The following SAMMSON variants were observed in gnomAD, a reference collection of about 807,000 sequenced individuals.
SAMMSON encodes the protein long intergenic non-protein coding RNA 1212.
chr3:70,297,711 A>T (rs1702303397), intron 7 of SAMMSON, among the ~76,000 whole-genome samples: 2 of 151,852 alleles, frequency 1.3e-5, no homozygotes, highest in Non-Finnish European at 1.5e-5. Context: ...GTTTATTATT[A>T]TTTTTTTCCT....
At chr3:70,275,369 G>T (rs1702013858) in intron 6 of SAMMSON, among the ~76,000 whole-genome samples, 1 of 152,122 alleles carries the variant, frequency 6.6e-6, no homozygotes, top group African/African-American at 2.4e-5. Flanking sequence ...AAAAAAATTA[G>T]TTGGGTGTGG....
intron 4 of SAMMSON, among the ~76,000 whole-genome samples, chr3:70,100,574 A>G (rs753558962): frequency 2.0e-5 from 3 of 151,804 alleles, no homozygotes; most frequent in Non-Finnish European, 2.9e-5. Context: ...AAAAAAACTC[A>G]TAGAAATTTT....
chr3:70,045,510 A>AT, intron 3 of SAMMSON, among the ~76,000 whole-genome samples: 1 of 150,882 alleles, frequency 6.6e-6, no homozygotes. Flanking sequence ...CCATTAATAT[A>AT]TTTTTTTTTC....
At chr3:70,152,556 G>A (rs550543602) in intron 4 of SAMMSON, among the ~76,000 whole-genome samples, 2 of 152,042 alleles carry the variant, frequency 1.3e-5, no homozygotes, top group African/African-American at 4.8e-5. Flanking sequence ...CAGACCCCAA[G>A]GTGCTTTATT....
chr3:70,370,546 C>A (rs1315832648), intron 9 of SAMMSON, among the ~76,000 whole-genome samples: 2 of 151,944 alleles, frequency 1.3e-5, no homozygotes, highest in Admixed American at 1.3e-4. Context: ...ATTTGCATTT[C>A]TCTGATGATT....
chr3:70,314,180 C>A (rs574718813), intron 7 of SAMMSON, among the ~76,000 whole-genome samples: 3 of 152,136 alleles, frequency 2.0e-5, no homozygotes, highest in Admixed American at 6.6e-5. Context: ...CCTCCTCCCC[C>A]CAGTGCAACC....
intron 7 of SAMMSON, among the ~76,000 whole-genome samples, chr3:70,297,496 G>A (rs1356233709): frequency 2.0e-5 from 3 of 152,022 alleles, no homozygotes; most frequent in African/African-American, 7.2e-5. Flanking sequence ...TATAATCTCT[G>A]TAGTTTCAAT....
At chr3:70,214,137 T>C (rs1701381906) in intron 4 of SAMMSON, among the ~76,000 whole-genome samples, 1 of 152,128 alleles carries the variant, frequency 6.6e-6, no homozygotes, top group Admixed American at 6.5e-5. Flanking sequence ...TACATCCTGA[T>C]AGATTGGATA....
chr3:70,195,129 G>C (rs1011817235), intron 4 of SAMMSON, among the ~76,000 whole-genome samples: 1 of 152,192 alleles, frequency 6.6e-6, no homozygotes. Flanking sequence ...GAATAAGTCA[G>C]TTCATGGGGC....
chr3:70,427,821 T>C (rs1400419393), intron 2 of SAMMSON, among the ~76,000 whole-genome samples: 1 of 151,446 alleles, frequency 6.6e-6, no homozygotes, highest in Non-Finnish European at 1.5e-5. Context: ...AGTTGCGGAG[T>C]CTCTTGCTTT....
At chr3:70,041,231 A>G (rs1217578080) in intron 3 of SAMMSON, among the ~76,000 whole-genome samples, 1 of 152,130 alleles carries the variant, frequency 6.6e-6, no homozygotes, top group Non-Finnish European at 1.5e-5. Context: ...ATTTTGTTGT[A>G]TGCTCCTAGG....
rs1559518632 is a variant in SAMMSON at position 70,122,316 on chromosome 3, T to TCC, written n.507+50751_507+50752insCC. Among the ~76,000 whole-genome samples, 21 of 151,994 alleles carry TCC rather than the reference T, an allele frequency of 1.4e-4. No individual in the cohort carries two copies. The Middle Eastern group carries it at 0.014, about 98-fold the overall frequency. On this transcript the variant is annotated intron_variant and non_coding_transcript_variant, in intron 4 of 9. Coordinates refer to ENST00000642114, the Ensembl canonical transcript of SAMMSON. ...CAAGCAATCCTCCTACCTCAGCCTC[T>TCC]TGAGTAGCTGGGACTACAGGCGTGT...
chr3:70,244,480 C>T (rs1249316228), intron 4 of SAMMSON, among the ~76,000 whole-genome samples: 1 of 152,046 alleles, frequency 6.6e-6, no homozygotes, highest in Admixed American at 6.6e-5. Flanking sequence ...ATGATAATAT[C>T]AAGATTATTT....
rs541523354 is a variant in SAMMSON at position 70,098,757 on chromosome 3, C to G, written n.507+27192C>G. On this transcript the variant is annotated intron_variant and non_coding_transcript_variant, in intron 4 of 9. Transcript: ENST00000642114. Reference sequence around the variant, plus strand: ...AATGTATTCCTATGTCCCTATCACCCTGCTTAAGAAAAAATATTATCAGAA... The same window carrying G: ...AATGTATTCCTATGTCCCTATCACCGTGCTTAAGAAAAAATATTATCAGAA... 3.3e-4 allele frequency among the ~76,000 whole-genome samples: 51 copies of G among 152,242 alleles called. No individual in the cohort carries two copies. In the South Asian group the frequency reaches 0.01, roughly 31 times the overall value.
chr3:70,009,006 A>T (rs1238497235), intron 1 of SAMMSON: 1 of 152,112 alleles, frequency 6.6e-6, no homozygotes, highest in Non-Finnish European at 1.5e-5. Context: ...ATCATGGTGG[A>T]TAAGCTTTTT....
chr3:70,322,143 A>C lies in SAMMSON; in HGVS notation n.739+30900A>C, dbSNP rs372184541. ...AGAAATTACTTTAAAATTATTTACT[A>C]ATAAGAAAACATTGATTTATTGGAT... On this transcript the variant is annotated intron_variant and non_coding_transcript_variant, in intron 7 of 9. Transcript: ENST00000642114. 4.6e-5 allele frequency among the ~76,000 whole-genome samples: 7 copies of C among 152,264 alleles called. 1 individual carries two copies. Among genetic ancestry groups the C allele is most frequent in the African/African-American group, 1.7e-4 (7 of 41,570 alleles).
intron 4 of SAMMSON, among the ~76,000 whole-genome samples, chr3:70,233,809 G>C (rs7638933): frequency 6.6e-6 from 1 of 151,962 alleles, no homozygotes; most frequent in South Asian, 2.1e-4. Flanking sequence ...TCAGATTGTT[G>C]CATATCTAAA....
intron 3 of SAMMSON, among the ~76,000 whole-genome samples, chr3:70,025,419 A>G (rs2067033455): frequency 6.6e-6 from 1 of 151,912 alleles, no homozygotes; most frequent in South Asian, 2.1e-4. Flanking sequence ...TAAGTTTTGT[A>G]TTTAGTAGAG....
At chr3:70,248,779 G>A (rs1488241164) in intron 4 of SAMMSON, among the ~76,000 whole-genome samples, 1 of 152,070 alleles carries the variant, frequency 6.6e-6, no homozygotes, top group Admixed American at 6.6e-5. Flanking sequence ...GATTAACCTG[G>A]TTAATATAAA....
Sources: gnomAD v4.1 joint callset for allele counts (sites outside exome capture counted in the v4.1 genomes callset) on GRCh38, gnomAD v4.1.1 for gene constraint, MANE v1.5 for transcripts, NCBI Gene and HGNC (gene_info 2026-07-23, HGNC 2026-07-21) for gene names.